TTC12: variants seen among roughly 807,000 people sequenced by gnomAD.
TTC12 encodes tetratricopeptide repeat domain 12.
Under a neutral mutation model 90.1 loss-of-function variants are expected in TTC12, and 70 were observed. The observed-to-expected ratio is 0.78, with a 90% CI of 0.64 to 0.95. TTC12 has a LOEUF of 0.95. TTC12 is among the 40% of genes least tolerant of loss of function. The pLI is 0.00. For synonymous variants in TTC12, 296 were observed against 311.5 expected (o/e 0.95, Z 0.53); for missense variants, 819 against 846.1 (o/e 0.97, Z 0.40).
chr11:113,352,241 A>G, intron 16 of TTC12, 34 bp downstream of exon 16: 1 of 1,613,822 alleles, frequency 6.2e-7, no homozygotes, highest in Non-Finnish European at 8.5e-7. Context: ...ATTGGTCTTT[A>G]TCCTCTTTGG....
chr11:113,352,114 C>T lies in TTC12; in HGVS notation c.1353C>T (p.Cys451=), dbSNP rs1555150537. ...KVSSSSALCQ[C]IAIMGNLSAE... is the part of the protein sequence containing the mutation. The stretch of plus-strand genomic sequence containing the variant: ...GCAGCTCCTCGGCTCTGTGCCAGTG[C>T]ATTGCCATCATGGGAAACCTCAGTG... Residue 451 remains cysteine, a synonymous_variant, in exon 16 of 22, where the codon TGC becomes TGT. Transcript: ENST00000529221. 1 of 1,614,138 alleles carries T rather than the reference C, an allele frequency of 6.2e-7. No homozygotes were observed. Among genetic ancestry groups the T allele is most frequent in the African/African-American group, 1.3e-5 (1 of 74,950 alleles).
chr11:113,359,866 CAGA>C, intron 17 of TTC12, 71 bp from the exon 18 acceptor site: 1 of 1,226,328 alleles, frequency 8.2e-7, no homozygotes. Context: ...AGACGGTGCT[CAGA>C]AGAAGCTCCG....
intron 13 of TTC12, among the ~76,000 whole-genome samples, chr11:113,346,271 A>G (rs1948952499): frequency 6.6e-6 from 1 of 152,052 alleles, no homozygotes; most frequent in African/African-American, 2.4e-5. Flanking sequence ...GTTATTTAGC[A>G]TGGACAGGCC....
intron 13 of TTC12, among the ~76,000 whole-genome samples, chr11:113,346,603 A>G (rs897374453): frequency 3.3e-5 from 5 of 151,928 alleles, no homozygotes; most frequent in Non-Finnish European, 5.9e-5. Flanking sequence ...AAGAAAACCT[A>G]CTGCCTATTT....
chr11:113,355,313 G>A (rs1949567902), intron 16 of TTC12, among the ~76,000 whole-genome samples: 1 of 152,016 alleles, frequency 6.6e-6, no homozygotes, highest in Non-Finnish European at 1.5e-5. Context: ...TATCCCCCCT[G>A]TTGTTTCTGA....
At chr11:113,346,566 A>G (rs925796237) in intron 13 of TTC12, among the ~76,000 whole-genome samples, 3 of 152,156 alleles carry the variant, frequency 2.0e-5, no homozygotes, top group African/African-American at 4.8e-5. Flanking sequence ...AGACAGGTCA[A>G]TACCAGCTGG....
chr11:113,351,925 A>C, intron 15 of TTC12, 145 bp from the exon 16 acceptor site: 2 of 934,234 alleles, frequency 2.1e-6, no homozygotes, highest in Non-Finnish European at 3.1e-6. Flanking sequence ...ATCCGTTGCC[A>C]GTGAGACCCC....
At chr11:113,341,649 C>CA in intron 11 of TTC12, 188 bp from the exon 12 acceptor site, 2 of 585,120 alleles carry the variant, frequency 3.4e-6, no homozygotes, top group East Asian at 3.1e-5. Flanking sequence ...CTGGCTTCCT[C>CA]AGTCTGCATC....
chr11:113,350,113 A>G lies in TTC12; in HGVS notation c.1195A>G (p.Lys399Glu). 2 of 1,614,006 alleles carry G rather than the reference A, an allele frequency of 1.2e-6. No individual in the cohort carries two copies. Among genetic ancestry groups the G allele is most frequent in the Non-Finnish European group, 1.7e-6 (2 of 1,179,876 alleles). The stretch of plus-strand genomic sequence containing the variant: ...GGTGTCATTTCTTGATTTCTCGGAT[A>G]AGGAGGCCAACACTGCTATGGGACT... ...ALVSFLDFSDKEANTAMGLFT... is the reference protein window; with the variant it reads ...ALVSFLDFSDEEANTAMGLFT... The change falls in exon 14 of 22, where the codon AAG becomes GAG. Residue 399 changes from lysine to glutamate, a missense_variant. Transcript: ENST00000529221.
At chr11:113,358,980 T>C (rs1357232058) in intron 16 of TTC12, among the ~76,000 whole-genome samples, 8 of 151,916 alleles carry the variant, frequency 5.3e-5, no homozygotes, top group Admixed American at 2.6e-4. Context: ...GAAGATCTAT[T>C]AGGAGCATGT....
chr11:113,347,825 G>A (rs1191661539), intron 13 of TTC12, among the ~76,000 whole-genome samples: 1 of 152,118 alleles, frequency 6.6e-6, no homozygotes, highest in African/African-American at 2.4e-5. Context: ...CAATCTGATG[G>A]CCTGTCATCT....
chr11:113,329,748 C>G (rs1947912747), intron 6 of TTC12, 172 bp from the exon 7 acceptor site: 3 of 680,328 alleles, frequency 4.4e-6, no homozygotes, highest in South Asian at 1.5e-5. Context: ...GTATTCAACT[C>G]TCCTCAGTTG....
intron 11 of TTC12, 24 bp downstream of exon 11, chr11:113,340,757 C>T: frequency 6.3e-7 from 1 of 1,591,218 alleles, no homozygotes; most frequent in Non-Finnish European, 8.6e-7. Flanking sequence ...TAGAGACAGC[C>T]CAGCAGCAAA....
At chr11:113,321,262 A>G (rs1282745845) in intron 2 of TTC12, among the ~76,000 whole-genome samples, 1 of 152,174 alleles carries the variant, frequency 6.6e-6, no homozygotes, top group Admixed American at 6.5e-5. Flanking sequence ...AAGAATGTAG[A>G]AGAATGGGAA....
rs782272751 is a variant in TTC12, at chr11:113,351,264, C to T, written c.1273C>T (p.Leu425Phe). 7 of 1,614,140 alleles carry T rather than the reference C, an allele frequency of 4.3e-6. No individual in the cohort carries two copies. The Admixed American group carries it at 1.2e-4, about 27-fold the overall frequency. The change falls in exon 15 of 22, where the codon CTT becomes TTT. Residue 425 changes from leucine (L) to phenylalanine (F), a missense_variant. Transcript: ENST00000529221. ...ATTCCAAGTCTGGTTCCAGGCCAAC[C>T]TTCCAGGTGTTCTCCCTGCACTCAC... ...ERFQVWFQAN[L>F]PGVLPALTGV...
At chr11:113,323,008 A>G (rs1416310978) in intron 2 of TTC12, among the ~76,000 whole-genome samples, 4 of 151,218 alleles carry the variant, frequency 2.6e-5, no homozygotes, top group Admixed American at 2.6e-4. Flanking sequence ...CTAACTCATA[A>G]TGAGCTCTCC....
intron 1 of TTC12, among the ~76,000 whole-genome samples, chr11:113,315,750 C>T (rs573006700): frequency 1.3e-5 from 2 of 152,332 alleles, no homozygotes; most frequent in East Asian, 3.9e-4. Flanking sequence ...TGTACCCTTT[C>T]TTCACTCTTC....
rs148716972 is a variant in TTC12 at position 113,347,216 on chromosome 11, AAATT to A, written c.1154+2778_1154+2781del. Among the ~76,000 whole-genome samples the A allele has an allele frequency of 5.7e-3, 866 of 152,308 alleles. 7 individuals carry two copies. Among genetic ancestry groups the A allele is most frequent in the African/African-American group, 0.019 (795 of 41,552 alleles). ...AATCTGAACTAACTGTAAAACAAAT[AAATT>A]ATTTTTGACAGCAGGAGCACTGGAA... On this transcript the variant is annotated intron_variant, in intron 13 of 21. Coordinates refer to ENST00000529221, the MANE Select transcript of TTC12 (RefSeq NM_017868.4).
At chr11:113,318,476 G>A (rs1947091945) in intron 2 of TTC12, among the ~76,000 whole-genome samples, 1 of 152,120 alleles carries the variant, frequency 6.6e-6, no homozygotes, top group Non-Finnish European at 1.5e-5. Context: ...CTCTGTACGT[G>A]CATATATTTG....
Sources: gnomAD v4.1 joint callset for allele counts (sites outside exome capture counted in the v4.1 genomes callset) on GRCh38, gnomAD v4.1.1 for gene constraint, MANE v1.5 for transcripts, NCBI Gene and HGNC (gene_info 2026-07-23, HGNC 2026-07-21) for gene names.